COL22A1: variants seen among roughly 807,000 people sequenced by gnomAD.
COL22A1 encodes collagen type XXII alpha 1 chain, also known as collagen alpha-1(XXII) chain.
Under a neutral mutation model 248.9 loss-of-function variants are expected in COL22A1, and 221 were observed. The ratio of observed to expected loss-of-function variants is 0.89; its 90% confidence interval spans 0.80 to 0.99. The LOEUF (loss-of-function observed/expected upper bound fraction) is 0.99. Ranked by LOEUF, COL22A1 falls within the 50% of genes least tolerant of loss-of-function variation. The pLI, the probability that COL22A1 is intolerant of heterozygous loss-of-function variation, is 0.00. For missense variants in COL22A1, 2,240 were observed against 2,179.0 expected (o/e 1.03, Z -0.56); for synonymous variants, 891 against 793.4 (o/e 1.12, Z -2.07).
In COL22A1 at chr8:138,805,242, T is replaced by C. The variant is rs919016665; in HGVS notation, c.1495-2308A>G. Among the ~76,000 whole-genome samples, 5 of 131,728 alleles carry C rather than the reference T, an allele frequency of 3.8e-5. No homozygotes were observed. The South Asian group carries it at 7.4e-4, about 20-fold the overall frequency. 86.4% of individuals were successfully genotyped at this position (131,728 alleles called of 152,430 possible). ...TGCATGTGTGTGAGATGGTGTGTGA[T>C]GGTGTCTGATGATGTGAGCATGCAT... On this transcript the variant is annotated intron_variant, in intron 10 of 64. Coordinates refer to ENST00000303045, the MANE Select transcript of COL22A1 (RefSeq NM_152888.3).
intron 6 of COL22A1, among the ~76,000 whole-genome samples, chr8:138,821,935 G>A (rs771514313): frequency 6.6e-6 from 1 of 152,228 alleles, no homozygotes; most frequent in Non-Finnish European, 1.5e-5. Flanking sequence ...GATAGCAGAG[G>A]TCTGACCTGT....
intron 30 of COL22A1, among the ~76,000 whole-genome samples, chr8:138,713,512 A>G (rs1829191541): frequency 2.0e-5 from 3 of 152,248 alleles, no homozygotes; most frequent in African/African-American, 7.2e-5. Context: ...CTGCTTTAGC[A>G]AAGGATCTTG....
At chr8:138,835,124 T>C (rs1481880273) in intron 4 of COL22A1, among the ~76,000 whole-genome samples, 1 of 152,176 alleles carries the variant, frequency 6.6e-6, no homozygotes, top group Admixed American at 6.5e-5. Context: ...CAGGGCAAGG[T>C]TGCTCTGGGA....
In COL22A1 at chr8:138,719,778, C is replaced by T. The variant is rs576863323; in HGVS notation, c.2355+961G>A. ...ATTTGATCATGCATTCTCCACCTAGCAAGCCCGTACTGTGTATCTAAGCAG... is the reference window on the plus strand; with the variant it reads ...ATTTGATCATGCATTCTCCACCTAGTAAGCCCGTACTGTGTATCTAAGCAG... On this transcript the variant is annotated intron_variant, in intron 27 of 64. Coordinates refer to ENST00000303045, the MANE Select transcript of COL22A1 (RefSeq NM_152888.3). 1.3e-3 allele frequency among the ~76,000 whole-genome samples: 199 copies of T among 152,290 alleles called. 2 individuals are homozygous for T. Among genetic ancestry groups the T allele is most frequent in the Non-Finnish European group, 2.3e-3 (158 of 68,022 alleles).
intron 12 of COL22A1, among the ~76,000 whole-genome samples, chr8:138,783,451 G>A (rs578212398): frequency 6.6e-6 from 1 of 152,234 alleles, no homozygotes; most frequent in South Asian, 2.1e-4. Context: ...CATCCAGCAT[G>A]GGAGAAAGAT....
At chr8:138,722,835 C>T (rs987121986) in intron 25 of COL22A1, among the ~76,000 whole-genome samples, 6 of 41,152 alleles carry the variant, frequency 1.5e-4, no homozygotes, top group Non-Finnish European at 2.9e-4. Context: ...TAAATGATAT[C>T]GGGTCACATG....
At chr8:138,753,457 T>A (rs1043025328) in intron 21 of COL22A1, among the ~76,000 whole-genome samples, 2 of 152,170 alleles carry the variant, frequency 1.3e-5, no homozygotes, top group Non-Finnish European at 2.9e-5. Flanking sequence ...CTAGAAGACA[T>A]CTTCAGAACC....
intron 3 of COL22A1, among the ~76,000 whole-genome samples, chr8:138,875,154 G>A (rs1005877328): frequency 1.3e-5 from 2 of 152,180 alleles, no homozygotes; most frequent in African/African-American, 4.8e-5. Context: ...ATCGTTTGAA[G>A]CTGCCTGACC....
chr8:138,590,874 T>C (rs1295293075), intron 64 of COL22A1, among the ~76,000 whole-genome samples: 2 of 152,194 alleles, frequency 1.3e-5, no homozygotes, highest in East Asian at 3.8e-4. Context: ...AAATCCTCTG[T>C]TCCCAGAAAC....
intron 21 of COL22A1, among the ~76,000 whole-genome samples, chr8:138,754,106 G>A (rs540122982): frequency 1.3e-5 from 2 of 152,320 alleles, no homozygotes; most frequent in South Asian, 4.1e-4. Context: ...CACCCTTGCA[G>A]ACTTAATATG....
chr8:138,866,021 G>A (rs1176099481), intron 3 of COL22A1, among the ~76,000 whole-genome samples: 1 of 151,258 alleles, frequency 6.6e-6, no homozygotes, highest in Admixed American at 6.6e-5. Flanking sequence ...GTATGACTCT[G>A]TGTGTGTGTG....
chr8:138,692,784 C>T (rs888396145), intron 35 of COL22A1, among the ~76,000 whole-genome samples: 8 of 152,070 alleles, frequency 5.3e-5, no homozygotes, highest in African/African-American at 1.9e-4. Flanking sequence ...CCATTCCCCT[C>T]CAGGCTGAGC....
At chr8:138,895,723 A>C (rs563979580) in intron 1 of COL22A1, among the ~76,000 whole-genome samples, 2 of 152,346 alleles carry the variant, frequency 1.3e-5, no homozygotes, top group South Asian at 4.1e-4. Context: ...CAGGGAGAGA[A>C]GAAAGAGTAC....
At chr8:138,602,523 G>C (rs960227577) in intron 59 of COL22A1, among the ~76,000 whole-genome samples, 1 of 152,132 alleles carries the variant, frequency 6.6e-6, no homozygotes, top group African/African-American at 2.4e-5. Context: ...TCTAGTGCAG[G>C]GGACAGATAG....
Position 138,694,704 on chromosome 8 carries a change from C to T in COL22A1, c.2646+122G>A, listed in dbSNP as rs1038631016. ...GCGTCCTGAGGAGAAGAAAGGGCTGCCTTCCATTCAGTGTGGCTCCTGGGT... is the reference window on the plus strand; with the variant it reads ...GCGTCCTGAGGAGAAGAAAGGGCTGTCTTCCATTCAGTGTGGCTCCTGGGT... On this transcript the variant is annotated intron_variant, in intron 33 of 64. Transcript: ENST00000303045. The T allele has an allele frequency of 3.6e-6, 5 of 1,383,122 alleles. No individual in the cohort carries two copies. In the African/African-American group the frequency reaches 5.7e-5, roughly 16 times the overall value. The allele number at this position is 1,383,122 out of a possible 1,614,324, so 85.7% of individuals were successfully genotyped here. A position where few individuals can be genotyped will look rare whatever the true frequency, so the allele number is the denominator to read the frequency against.
chr8:138,705,309 C>G (rs941453197), intron 30 of COL22A1, among the ~76,000 whole-genome samples: 1 of 152,134 alleles, frequency 6.6e-6, no homozygotes, highest in African/African-American at 2.4e-5. Flanking sequence ...TCGAGAAGAG[C>G]AACTCCAAGA....
At chr8:138,649,830 G>T in intron 45 of COL22A1, 52 bp from the exon 46 acceptor site, 1 of 1,174,612 alleles carries the variant, frequency 8.5e-7, no homozygotes. Context: ...AGCAAATACA[G>T]TTTCAAAGCA....
rs748887931 is a variant in COL22A1 at position 138,685,268 on chromosome 8, C to A, written c.2907G>T (p.Arg969Ser). The A allele has an allele frequency of 6.2e-7, 1 of 1,613,892 alleles. No homozygotes were observed. The highest frequency in any genetic ancestry group is 1.3e-5 in the African/African-American group (1 of 74,912). Residue 969 changes from arginine (R) to serine (S), a missense_variant, in exon 38 of 65, where the codon AGG (arginine) becomes AGT (serine). Arg to Ser is a moderately radical substitution (Grantham distance 110). Coordinates refer to ENST00000303045, the MANE Select transcript of COL22A1 (RefSeq NM_152888.3). ...EEGSPGPVGPRGDPGAPGLPG... is the reference protein window; with the variant it reads ...EEGSPGPVGPSGDPGAPGLPG... The stretch of plus-strand genomic sequence containing the variant: ...GGAGCCCAGGAGCACCAGGATCTCC[C>A]CTGGGACCAACTGGCCCTGGGCTGC...
chr8:138,817,965 T>G (rs1459188647), intron 7 of COL22A1, among the ~76,000 whole-genome samples: 4 of 152,148 alleles, frequency 2.6e-5, no homozygotes, highest in African/African-American at 9.7e-5. Context: ...TTTAGGGATG[T>G]GGGGCTATTT....
Sources: gnomAD v4.1 joint callset for allele counts (sites outside exome capture counted in the v4.1 genomes callset) on GRCh38, gnomAD v4.1.1 for gene constraint, MANE v1.5 for transcripts, NCBI Gene and HGNC (gene_info 2026-07-23, HGNC 2026-07-21) for gene names.